Variants in DLG2 observed in about 807,000 individuals in gnomAD.
The protein encoded by DLG2 is discs large MAGUK scaffold protein 2.
DLG2 carries 45 observed loss-of-function variants against 132.5 expected under a neutral mutation model. The observed-to-expected ratio is 0.34, with a 90% confidence interval of 0.27 to 0.44. DLG2 has a LOEUF of 0.44. DLG2 is among the 20% of genes least tolerant of loss of function. The pLI is 1.00. For synonymous variants in DLG2, 424 were observed against 419.6 expected, an observed-to-expected ratio of 1.01 and a Z score of -0.13; for missense variants, 1,045 against 1,196.9, an observed-to-expected ratio of 0.87 and a Z score of 1.87.
At chr11:84,867,680 C>A (rs571404042) in intron 6 of DLG2, among the ~76,000 whole-genome samples, 1 of 152,284 alleles carries the variant, frequency 6.6e-6, no homozygotes, top group East Asian at 1.9e-4. Flanking sequence ...GTCTCTAGGA[C>A]TAACATGGGC....
chr11:84,133,084 A>G (rs1040839865), intron 9 of DLG2, among the ~76,000 whole-genome samples: 6 of 152,094 alleles, frequency 3.9e-5, no homozygotes, highest in Non-Finnish European at 8.8e-5. Flanking sequence ...ATGAAAGTTT[A>G]AACAGTTAAG....
intron 18 of DLG2, among the ~76,000 whole-genome samples, chr11:83,688,836 C>A (rs1283021068): frequency 6.6e-6 from 1 of 152,076 alleles, no homozygotes; most frequent in Non-Finnish European, 1.5e-5. Flanking sequence ...TGGGGACCAC[C>A]AATTTGTCCT....
At chr11:84,074,848 T>C (rs2096805403) in intron 10 of DLG2, among the ~76,000 whole-genome samples, 1 of 152,104 alleles carries the variant, frequency 6.6e-6, no homozygotes, top group Admixed American at 6.5e-5. Flanking sequence ...AATTTTTAAA[T>C]TTAAATCAGA....
rs2095787909 is a variant in DLG2, at chr11:83,532,782, C to T, written c.2119G>A (p.Val707Met). The T allele has an allele frequency of 1.2e-6, 2 of 1,611,766 alleles. No individual in the cohort carries two copies. The highest frequency in any genetic ancestry group is 1.3e-5 in the African/African-American group (1 of 74,854). Residue 707 changes from valine (V) to methionine (M), a missense_variant and splice_region_variant, in exon 21 of 28, where the codon GTG (valine) becomes ATG (methionine). Val to Met is a conservative substitution (Grantham distance 21, BLOSUM62 1). This residue lies in a region of DLG2 where 398 missense variants were observed against 543.6 expected (regional missense o/e 0.73). Coordinates refer to ENST00000376104, the MANE Select transcript of DLG2 (RefSeq NM_001142699.3). ...EMGVIPSKRR[V>M]ERKERARLKT... ...AATCGGGCACGTTCCTTTCTTTCCA[C>T]CCTAAAGCAAATTGAGAATAAAGAG...
intron 3 of DLG2, among the ~76,000 whole-genome samples, chr11:85,319,179 T>C (rs969169262): frequency 1.3e-5 from 2 of 152,002 alleles, no homozygotes; most frequent in East Asian, 1.9e-4. Flanking sequence ...CCATATAATA[T>C]GCTATTTCTT....
At chr11:84,030,484 A>T (rs1214186235) in intron 11 of DLG2, among the ~76,000 whole-genome samples, 2 of 152,150 alleles carry the variant, frequency 1.3e-5, no homozygotes, top group Non-Finnish European at 2.9e-5. Flanking sequence ...ATGGCCTCCA[A>T]CACATACCTT....
chr11:84,052,613 C>T (rs1367315302), intron 11 of DLG2, among the ~76,000 whole-genome samples: 1 of 147,134 alleles, frequency 6.8e-6, no homozygotes, highest in African/African-American at 2.5e-5. Context: ...CGTCACTGAT[C>T]ATCAGAGAAA....
At chr11:85,572,259 C>T (rs1446567289) in intron 3 of DLG2, among the ~76,000 whole-genome samples, 3 of 152,050 alleles carry the variant, frequency 2.0e-5, no homozygotes, top group East Asian at 1.9e-4. Context: ...TGAGCTTCTG[C>T]GATCTAGAGA....
chr11:84,134,221 G>T (rs1022339646), intron 9 of DLG2, among the ~76,000 whole-genome samples: 2 of 150,530 alleles, frequency 1.3e-5, no homozygotes, highest in Admixed American at 6.6e-5. Context: ...AACATCTAGG[G>T]AGAGCTTCTG....
intron 7 of DLG2, among the ~76,000 whole-genome samples, chr11:84,351,654 T>A (rs1448824070): frequency 1.3e-5 from 2 of 152,204 alleles, no homozygotes. Flanking sequence ...GGTCCCTTTA[T>A]TGTCCTTTTA....
chr11:85,452,998 C>T (rs2153044937), intron 3 of DLG2: 1 of 190,020 alleles, frequency 5.3e-6, no homozygotes, highest in Admixed American at 5.0e-5. Context: ...AGTATTTGAA[C>T]CCGAGCCATC....
chr11:83,567,355 T>C (rs1224321088), intron 19 of DLG2, among the ~76,000 whole-genome samples: 1 of 152,180 alleles, frequency 6.6e-6, no homozygotes, highest in Non-Finnish European at 1.5e-5. Context: ...TTTACAGAAA[T>C]AGCAATAGAA....
chr11:84,656,981 T>C (rs2099689084), intron 6 of DLG2, among the ~76,000 whole-genome samples: 1 of 152,188 alleles, frequency 6.6e-6, no homozygotes, highest in South Asian at 2.1e-4. Flanking sequence ...CCAGGTGTTA[T>C]CTTTATCCTT....
At chr11:84,269,172 T>C (rs1037334406) in intron 7 of DLG2, among the ~76,000 whole-genome samples, 1 of 152,220 alleles carries the variant, frequency 6.6e-6, no homozygotes, top group South Asian at 2.1e-4. Flanking sequence ...TAGAGATACA[T>C]GTGTAACTGT....
intron 4 of DLG2, among the ~76,000 whole-genome samples, chr11:85,178,866 A>G (rs972243508): frequency 3.3e-5 from 5 of 152,008 alleles, no homozygotes; most frequent in African/African-American, 1.2e-4. Context: ...AAGCATGAAG[A>G]ATAGATTGAG....
chr11:85,345,252 A>G (rs968045124), intron 3 of DLG2, among the ~76,000 whole-genome samples: 2 of 152,134 alleles, frequency 1.3e-5, no homozygotes, highest in Admixed American at 1.3e-4. Context: ...ATTTACAGTA[A>G]TCAATAGCTT....
At chr11:84,844,219 G>A (rs960962422) in intron 6 of DLG2, among the ~76,000 whole-genome samples, 8 of 146,796 alleles carry the variant, frequency 5.4e-5, no homozygotes, top group African/African-American at 2.0e-4. Flanking sequence ...GATGGTGGTA[G>A]TGCCCAAAAT....
At chr11:85,496,904 T>C (rs1199973612) in intron 3 of DLG2, among the ~76,000 whole-genome samples, 1 of 151,952 alleles carries the variant, frequency 6.6e-6, no homozygotes, top group Non-Finnish European at 1.5e-5. Flanking sequence ...GGACGTCCAC[T>C]CAGAGACTAC....
At chr11:84,636,272 C>G (rs1298290132) in intron 6 of DLG2, among the ~76,000 whole-genome samples, 2 of 152,180 alleles carry the variant, frequency 1.3e-5, no homozygotes, top group Non-Finnish European at 2.9e-5. Flanking sequence ...GAAATAGCCA[C>G]AGTCCTCCCT....
Sources: allele counts gnomAD v4.1 joint callset (sites outside exome capture counted in the v4.1 genomes callset), GRCh38; gene constraint gnomAD v4.1.1; regional missense constraint gnomAD v4.1.1; transcripts MANE v1.5; gene names NCBI Gene and HGNC (gene_info 2026-07-23, HGNC 2026-07-21).